Variants in DDC observed in about 807,000 individuals in gnomAD.
DDC encodes the protein aromatic-L-amino-acid decarboxylase.
In DDC, 43 loss-of-function variants were observed where a neutral mutation model predicts 60.0. The observed-to-expected ratio is 0.72, with a 90% CI of 0.56 to 0.92. The LOEUF is 0.92. DDC is among the 40% of genes least tolerant of loss of function. DDC has a pLI of 0.00. For missense variants in DDC, 573 were observed against 620.2 expected, an observed-to-expected ratio of 0.92 and a Z score of 0.81; for synonymous variants, 232 against 234.6, an observed-to-expected ratio of 0.99 and a Z score of 0.10.
intron 14 of DDC, among the ~76,000 whole-genome samples, chr7:50,460,017 T>G (rs1446043078): frequency 9.1e-4 from 94 of 103,024 alleles, no homozygotes; most frequent in African/African-American, 1.1e-3. Context: ...GAAGTGAGGA[T>G]CCCCTCTGCC....
At chr7:50,494,367 C>T (rs1023895490) in intron 9 of DDC, among the ~76,000 whole-genome samples, 11 of 151,970 alleles carry the variant, frequency 7.2e-5, no homozygotes, top group Admixed American at 7.2e-4. Context: ...ATTAGCCGGG[C>T]GTGGTAGGCG....
In DDC at chr7:50,499,150, C is replaced by T. The variant is rs776720492; in HGVS notation, c.874G>A (p.Glu292Lys). The T allele has an allele frequency of 1.2e-6, 2 of 1,611,112 alleles. No individual in the cohort carries two copies. The highest frequency in any genetic ancestry group is 3.3e-5 in the Admixed American group (2 of 60,026). The change falls in exon 8 of 15, where the codon GAG (glutamate) becomes AAG (lysine). Residue 292 changes from glutamate (E) to lysine (K), a missense_variant and splice_region_variant. Coordinates refer to ENST00000444124, the MANE Select transcript of DDC (RefSeq NM_001082971.2). Reference sequence around the variant, plus strand: ...GGGAGAGCGAAGGGTGCACCTACCTCCACTCCATTCAGAAGGTGCCGGAAC... The same window carrying T: ...GGGAGAGCGAAGGGTGCACCTACCTTCACTCCATTCAGAAGGTGCCGGAAC... ...PEFRHLLNGVEFADSFNFNPH... is the reference protein window; with the variant it reads ...PEFRHLLNGVKFADSFNFNPH...
At chr7:50,516,918 G>C (rs2043748451) in intron 6 of DDC, among the ~76,000 whole-genome samples, 1 of 152,088 alleles carries the variant, frequency 6.6e-6, no homozygotes, top group Admixed American at 6.5e-5. Context: ...AACAAGCAGT[G>C]AGATTGAAGT....
chr7:50,473,689 G>A (rs2042581615), intron 11 of DDC, among the ~76,000 whole-genome samples: 1 of 152,168 alleles, frequency 6.6e-6, no homozygotes, highest in South Asian at 2.1e-4. Flanking sequence ...AGCCAAACAA[G>A]GACTGTCCCC....
chr7:50,497,974 T>A (rs1397089190), intron 8 of DDC, among the ~76,000 whole-genome samples: 1 of 152,212 alleles, frequency 6.6e-6, no homozygotes, highest in Non-Finnish European at 1.5e-5. Flanking sequence ...ATTAGAATAG[T>A]GATTAGCAAA....
At chr7:50,481,513 T>A (rs1042513979) in intron 9 of DDC, among the ~76,000 whole-genome samples, 2 of 152,236 alleles carry the variant, frequency 1.3e-5, no homozygotes, top group African/African-American at 4.8e-5. Context: ...CTTCTCATTC[T>A]CAGCAGGGGC....
chr7:50,509,205 G>A (rs7808025), intron 6 of DDC, among the ~76,000 whole-genome samples: 41,940 of 151,642 alleles, frequency 0.28, 6,262 homozygotes, highest in African/African-American at 0.37. Flanking sequence ...GGCAGTCTAC[G>A]GCAAAAAAGT....
At chr7:50,521,181 G>C (rs953549999) in intron 6 of DDC, among the ~76,000 whole-genome samples, 4 of 151,918 alleles carry the variant, frequency 2.6e-5, no homozygotes, top group African/African-American at 9.7e-5. Flanking sequence ...GGATTCCAAG[G>C]CCACAAATTC....
rs1301563096 is a variant in DDC at position 50,544,098 on chromosome 7, C to A, written c.-13G>T. The A allele has an allele frequency of 6.2e-7, 1 of 1,613,614 alleles. No individual in the cohort carries two copies. The highest frequency in any genetic ancestry group is 8.5e-7 in the Non-Finnish European group (1 of 1,179,542). On this transcript the variant is annotated 5_prime_UTR_variant, in exon 2 of 15. Transcript: ENST00000444124. ...CACTTGCGTTCATGGTGTCTGGGCT[C>A]TGTCAGAGGTGAAAACTGCAGAAAG...
Position 50,539,921 on chromosome 7 carries a change from G to A in DDC, c.309C>T (p.Phe103=). 1 of 1,613,566 alleles carries A rather than the reference G, an allele frequency of 6.2e-7. No homozygotes were observed. Among genetic ancestry groups the A allele is most frequent in the Non-Finnish European group, 8.5e-7 (1 of 1,179,678 alleles). Residue 103 remains phenylalanine, a synonymous_variant, in exon 3 of 15, where the codon TTC becomes TTT. Transcript: ENST00000444124. ...GGTGCATCCGGACCCTCACCCAGGA[G>A]AAGCCGATGCAGCCAATGGCCCCGC... ...MLCGAIGCIG[F]SWAASPACTE...
At chr7:50,544,598 C>A (rs1318877960) in intron 1 of DDC, among the ~76,000 whole-genome samples, 2 of 152,206 alleles carry the variant, frequency 1.3e-5, no homozygotes, top group Non-Finnish European at 2.9e-5. Flanking sequence ...GGGCAGCACA[C>A]CCCCTCAAAC....
intron 9 of DDC, among the ~76,000 whole-genome samples, chr7:50,494,237 G>A (rs368634885): frequency 6.6e-6 from 1 of 152,200 alleles, no homozygotes; most frequent in Non-Finnish European, 1.5e-5. Context: ...GCCAGGCACC[G>A]TGGCTTACGC....
intron 9 of DDC, among the ~76,000 whole-genome samples, chr7:50,491,689 T>C (rs1251717199): frequency 6.6e-6 from 1 of 152,242 alleles, no homozygotes; most frequent in Non-Finnish European, 1.5e-5. Context: ...GTAGCTACTC[T>C]ATGCTCACCT....
chr7:50,476,125 C>T (rs2042638353), intron 11 of DDC, among the ~76,000 whole-genome samples: 1 of 152,198 alleles, frequency 6.6e-6, no homozygotes, highest in South Asian at 2.1e-4. Context: ...AATTCCTTTC[C>T]AGACTAACAC....
At chr7:50,493,179 G>A (rs796131411) in intron 9 of DDC, among the ~76,000 whole-genome samples, 85 of 152,294 alleles carry the variant, frequency 5.6e-4, no homozygotes, top group African/African-American at 2.0e-3. Context: ...GGGGTCCAGA[G>A]AGCTACGAGA....
At position 50,473,019 on chromosome 7, in the gene DDC, C is replaced by G. The variant is rs138408152; in HGVS notation, c.1042-2848G>C. Among the ~76,000 whole-genome samples, 287 of 152,306 alleles carry G rather than the reference C, an allele frequency of 1.9e-3. 1 individual carries two copies. Among genetic ancestry groups the G allele is most frequent in the African/African-American group, 6.7e-3 (277 of 41,556 alleles). On this transcript the variant is annotated intron_variant, in intron 11 of 14. Transcript: ENST00000444124. Reference sequence around the variant, plus strand: ...TGCTGAGCCCAGCAAAGCAAATGCTCTGGGGACATTTGCCTGGAATTCACA... The same window carrying G: ...TGCTGAGCCCAGCAAAGCAAATGCTGTGGGGACATTTGCCTGGAATTCACA...
At chr7:50,535,115 G>C (rs745942044) in intron 4 of DDC, among the ~76,000 whole-genome samples, 1 of 152,078 alleles carries the variant, frequency 6.6e-6, no homozygotes, top group East Asian at 1.9e-4. Flanking sequence ...TCACAGCAAC[G>C]TATTGAAGCT....
At chr7:50,464,026 C>T (rs2042342314) in intron 13 of DDC, among the ~76,000 whole-genome samples, 1 of 152,056 alleles carries the variant, frequency 6.6e-6, no homozygotes, top group Admixed American at 6.6e-5. Flanking sequence ...CCCTTGCTGT[C>T]CTGCCTGGGC....
At chr7:50,511,056 C>T (rs200823041) in intron 6 of DDC, among the ~76,000 whole-genome samples, 39,316 of 125,752 alleles carry the variant, frequency 0.31, 5,743 homozygotes, top group Admixed American at 0.41. Context: ...TATCTATACA[C>T]ACACACACAC....
Sources: allele counts gnomAD v4.1 joint callset (sites outside exome capture counted in the v4.1 genomes callset), GRCh38; gene constraint gnomAD v4.1.1; transcripts MANE v1.5; gene names NCBI Gene and HGNC (gene_info 2026-07-23, HGNC 2026-07-21).